The following PLAA variants were observed in gnomAD, a reference collection of about 807,000 sequenced individuals.
PLAA encodes the protein phospholipase A2 activating protein.
PLAA carries 48 observed loss-of-function variants against 84.1 expected under a neutral mutation model. The ratio of observed to expected loss-of-function variants is 0.57; its 90% CI spans 0.45 to 0.73. PLAA has a LOEUF of 0.73. Ranked by LOEUF, PLAA falls within the 30% of genes least tolerant of loss-of-function variation. PLAA has a pLI of 0.00. For synonymous variants in PLAA, 392 were observed against 336.6 expected, an observed-to-expected ratio of 1.16 and a Z score of -1.80; for missense variants, 903 against 954.7, an observed-to-expected ratio of 0.95 and a Z score of 0.71.
chr9:26,937,593 CAG>C (rs1382803701), intron 1 of PLAA, among the ~76,000 whole-genome samples: 2 of 152,182 alleles, frequency 1.3e-5, no homozygotes, highest in East Asian at 3.9e-4. Context: ...ATCTACTAGA[CAG>C]AGACTTTAAA....
At position 26,920,333 on chromosome 9, in the gene PLAA, G is replaced by A. The variant is rs1824721857; in HGVS notation, c.1091C>T (p.Ala364Val). Reference protein sequence around the residue: ...RLIRDGEKVEAYQWSVSEGRW... With the variant: ...RLIRDGEKVEVYQWSVSEGRW... Reference sequence around the variant, plus strand: ...CCCTTCACTAACACTCCACTGATAGGCTTCGACTTTCTCCCCATCTCTGAT... The same window carrying A: ...CCCTTCACTAACACTCCACTGATAGACTTCGACTTTCTCCCCATCTCTGAT... The change falls in exon 8 of 14, where the codon GCC becomes GTC. Residue 364 changes from alanine (A) to valine (V), a missense_variant. Physicochemically the swap from Ala to Val is moderately conservative, Grantham distance 64. Transcript: ENST00000397292. 2.5e-6 allele frequency: 4 copies of A among 1,613,158 alleles called. No individual in the cohort carries two copies. The highest frequency in any genetic ancestry group is 3.4e-6 in the Non-Finnish European group (4 of 1,179,322).
intron 1 of PLAA, 97 bp downstream of exon 1, chr9:26,946,800 A>G: frequency 3.8e-6 from 5 of 1,318,194 alleles, no homozygotes; most frequent in Non-Finnish European, 5.1e-6. Flanking sequence ...GGCTGGGGGG[A>G]GAGAGAGACG....
rs143629807 is a variant in PLAA at position 26,909,736 on chromosome 9, G to A, written c.1657+602C>T. 6.6e-3 allele frequency among the ~76,000 whole-genome samples: 999 copies of A among 151,852 alleles called. 8 individuals are homozygous for A. Among genetic ancestry groups the A allele is most frequent in the Admixed American group, 0.014 (208 of 15,240 alleles). ...CCTCCCAGGTTCAAGTGATTCTCGT[G>A]CCTCAGCCTCCAGAGTAGCTGGGAT... On this transcript the variant is annotated intron_variant, in intron 12 of 13. Coordinates refer to ENST00000397292, the MANE Select transcript of PLAA (RefSeq NM_001031689.3).
At chr9:26,946,833 ACTCTCCTTCCACT>A (rs991701241) in intron 1 of PLAA, 51 bp downstream of exon 1, 279 of 1,479,548 alleles carry the variant, frequency 1.9e-4, no homozygotes, top group Non-Finnish European at 2.3e-4. Flanking sequence ...GGGAAGGGTC[ACTCTCCTTCCACT>A]CTCCGGGAAG....
chr9:26,917,277 A>C (rs1013084586), intron 9 of PLAA, 112 bp from the exon 10 acceptor site: 1 of 767,588 alleles, frequency 1.3e-6, no homozygotes, highest in Non-Finnish European at 2.2e-6. Context: ...AGAAGAGCAA[A>C]ACTTTCACAT....
At chr9:26,930,899 G>C (rs1198482117) in intron 2 of PLAA, among the ~76,000 whole-genome samples, 2 of 151,768 alleles carry the variant, frequency 1.3e-5, no homozygotes, top group Non-Finnish European at 2.9e-5. Flanking sequence ...CTTAATAGTT[G>C]TAACTTGGGT....
At chr9:26,945,809 G>A (rs1332312426) in intron 1 of PLAA, among the ~76,000 whole-genome samples, 1 of 152,100 alleles carries the variant, frequency 6.6e-6, no homozygotes, top group Non-Finnish European at 1.5e-5. Context: ...CTCCCTATTT[G>A]CTCTTCCACG....
rs1404535820 is a variant in PLAA, at chr9:26,906,095, C to T, written c.1823-19G>A. On this transcript the variant is annotated intron_variant, in intron 13 of 13. Coordinates refer to ENST00000397292, the MANE Select transcript of PLAA (RefSeq NM_001031689.3). The stretch of plus-strand genomic sequence containing the variant: ...ACAATATCTATTAAAAAAAAAAAGT[C>T]ATTAATGCTTATGAAAATAAAGAAA... 9 of 1,365,924 alleles carry T rather than the reference C, an allele frequency of 6.6e-6. No homozygotes were observed. In the East Asian group the frequency reaches 2.2e-4, roughly 33 times the overall value. The allele number at this position is 1,365,924 out of a possible 1,614,324, so 84.6% of individuals were successfully genotyped here. A position where few individuals can be genotyped will look rare whatever the true frequency, so the allele number is the denominator to read the frequency against.
At chr9:26,943,676 G>C (rs141118624) in intron 1 of PLAA, among the ~76,000 whole-genome samples, 16 of 152,214 alleles carry the variant, frequency 1.1e-4, no homozygotes, top group African/African-American at 3.4e-4. Flanking sequence ...GCTGGGAGTG[G>C]TGGTTCACAC....
chr9:26,931,531 A>G (rs1232966021), intron 2 of PLAA, among the ~76,000 whole-genome samples: 1 of 152,226 alleles, frequency 6.6e-6, no homozygotes, highest in Non-Finnish European at 1.5e-5. Context: ...GTGATACAAT[A>G]GAAAATACAG....
Position 26,908,649 on chromosome 9 carries a change from G to A in PLAA, c.1658-651C>T, listed in dbSNP as rs987123604. Among the ~76,000 whole-genome samples, 67 of 151,860 alleles carry A rather than the reference G, an allele frequency of 4.4e-4. 2 individuals are homozygous for A. The highest frequency in any genetic ancestry group is 1.6e-3 in the African/African-American group (65 of 41,338). ...CCAGCTAATTTTTGTATTTTTAGTAGAGATGGGGTTTCACCATGTTGGCCA... is the reference window on the plus strand; with the variant it reads ...CCAGCTAATTTTTGTATTTTTAGTAAAGATGGGGTTTCACCATGTTGGCCA... On this transcript the variant is annotated intron_variant, in intron 12 of 13. Coordinates refer to ENST00000397292, the MANE Select transcript of PLAA (RefSeq NM_001031689.3).
Position 26,928,324 on chromosome 9 carries a change from C to T in PLAA, c.428G>A (p.Cys143Tyr). The part of the protein sequence containing the change: ...TTAKVWLNDK[C>Y]MMTLQGHTAA... ...CTACTGTACCTGCAAGGTCATCATG[C>T]ACTTGTCATTCAGCCAGACTTTAGC... Residue 143 changes from cysteine (C) to tyrosine (Y), a missense_variant, in exon 3 of 14, where the codon TGC (cysteine) becomes TAC (tyrosine). By Grantham distance (194) the Cys-to-Tyr change is radical (BLOSUM62 -2). Coordinates refer to ENST00000397292, the MANE Select transcript of PLAA (RefSeq NM_001031689.3). The T allele has an allele frequency of 6.2e-7, 1 of 1,613,834 alleles. No individual in the cohort carries two copies. Among genetic ancestry groups the T allele is most frequent in the Non-Finnish European group, 8.5e-7 (1 of 1,179,710 alleles).
rs773272236 is a variant in PLAA, at chr9:26,920,279, CCAA to C, written c.1142_1144del (p.Val381del). On this transcript the variant is annotated inframe_deletion, in exon 8 of 14. Coordinates refer to ENST00000397292, the MANE Select transcript of PLAA (RefSeq NM_001031689.3). ...TGTTTGCTGATTAGCACCAGATGAG[CCAA>C]CAACATCACCAATTTTTATCCACCT... is the stretch of plus-strand genomic sequence containing the variant. The C allele has an allele frequency of 1.4e-5, 23 of 1,613,786 alleles. No homozygotes were observed. The highest frequency in any genetic ancestry group is 1.6e-4 in the Middle Eastern group (1 of 6,084).
chr9:26,911,383 C>T (rs1057129606), intron 11 of PLAA, among the ~76,000 whole-genome samples: 13 of 152,148 alleles, frequency 8.5e-5, no homozygotes, highest in Admixed American at 2.6e-4. Flanking sequence ...GAACTCCTGA[C>T]CTCGTCATCC....
chr9:26,916,099 AT>A, intron 10 of PLAA: 1 of 985,456 alleles, frequency 1.0e-6, no homozygotes, highest in Non-Finnish European at 1.2e-6. Context: ...CATCTGGGCC[AT>A]CAATAAATTC....
chr9:26,936,233 A>G, intron 1 of PLAA, among the ~76,000 whole-genome samples: 1 of 151,440 alleles, frequency 6.6e-6, no homozygotes, highest in East Asian at 1.9e-4. Flanking sequence ...AATTAAACCC[A>G]CAAGGCCAAG....
intron 1 of PLAA, among the ~76,000 whole-genome samples, chr9:26,936,141 G>C (rs1205949485): frequency 1.3e-5 from 2 of 151,804 alleles, no homozygotes; most frequent in Admixed American, 6.6e-5. Context: ...CCCAGATAAA[G>C]ACTAAACAAA....
Position 26,908,038 on chromosome 9 carries a change from A to T in PLAA, c.1658-40T>A, listed in dbSNP as rs372537731. On this transcript the variant is annotated intron_variant, in intron 12 of 13. Coordinates refer to ENST00000397292, the MANE Select transcript of PLAA (RefSeq NM_001031689.3). ...CAAACTTTCAAAATTCTCTAACTGTAATTGGCCAGATAATATATAAATGCC... is the reference window on the plus strand; with the variant it reads ...CAAACTTTCAAAATTCTCTAACTGTTATTGGCCAGATAATATATAAATGCC... 2.2e-5 allele frequency: 33 copies of T among 1,478,670 alleles called. No homozygotes were observed. The African/African-American group carries it at 2.5e-4, about 11-fold the overall frequency. The allele number at this position is 1,478,670 out of a possible 1,614,324, so 91.6% of individuals were successfully genotyped here. A position where few individuals can be genotyped will look rare whatever the true frequency, so the allele number is the denominator to read the frequency against.
intron 1 of PLAA, among the ~76,000 whole-genome samples, chr9:26,936,670 T>C (rs1825367340): frequency 6.6e-6 from 1 of 152,146 alleles, no homozygotes; most frequent in South Asian, 2.1e-4. Flanking sequence ...CTGTAGGAAC[T>C]AGGGTTGGCA....
Sources: gnomAD v4.1 joint callset for allele counts (sites outside exome capture counted in the v4.1 genomes callset) on GRCh38, gnomAD v4.1.1 for gene constraint, MANE v1.5 for transcripts, NCBI Gene and HGNC (gene_info 2026-07-23, HGNC 2026-07-21) for gene names.